Variants in ANKRD28 observed in about 807,000 individuals in gnomAD.
ANKRD28 encodes the protein serine/threonine-protein phosphatase 6 regulatory ankyrin repeat subunit A.
In ANKRD28, 44 loss-of-function variants were observed where a neutral mutation model predicts 126.5. The ratio of observed to expected loss-of-function variants is 0.35; its 90% CI spans 0.27 to 0.45. The LOEUF (loss-of-function observed/expected upper bound fraction) is 0.45, where lower values mean the gene tolerates loss of function less well. Ranked by LOEUF, ANKRD28 falls within the 20% of genes least tolerant of loss-of-function variation. The probability of loss-of-function intolerance (pLI) is 1.00; values close to 1 mark genes in which losing one functional copy is unlikely to be tolerated. For missense variants in ANKRD28, 1,110 were observed against 1,316.6 expected (o/e 0.84, Z 2.43); for synonymous variants, 442 against 468.5 (o/e 0.94, Z 0.73).
intron 3 of ANKRD28, among the ~76,000 whole-genome samples, chr3:15,761,959 G>A (rs1310720770): frequency 6.6e-6 from 1 of 151,966 alleles, no homozygotes; most frequent in Non-Finnish European, 1.5e-5. Flanking sequence ...GCCGTGGTGG[G>A]TGGATCACCT....
At chr3:15,829,307 G>A (rs1188988893) in intron 1 of ANKRD28, among the ~76,000 whole-genome samples, 1 of 152,138 alleles carries the variant, frequency 6.6e-6, no homozygotes, top group Non-Finnish European at 1.5e-5. Flanking sequence ...TCTCACAGCT[G>A]CTTTTGCATT....
At chr3:15,834,994 A>G (rs1029685453) in intron 1 of ANKRD28, among the ~76,000 whole-genome samples, 2 of 152,144 alleles carry the variant, frequency 1.3e-5, no homozygotes, top group African/African-American at 4.8e-5. Context: ...CTAAAAATAC[A>G]AAAATTAGCC....
At chr3:15,785,696 G>C (rs1220459411) in intron 2 of ANKRD28, among the ~76,000 whole-genome samples, 1 of 150,868 alleles carries the variant, frequency 6.6e-6, no homozygotes, top group Admixed American at 6.6e-5. Context: ...CTGCAATCAT[G>C]TTATTTGATT....
At chr3:15,746,301 A>G (rs2125303492) in intron 4 of ANKRD28, among the ~76,000 whole-genome samples, 1 of 152,264 alleles carries the variant, frequency 6.6e-6, no homozygotes, top group East Asian at 1.9e-4. Context: ...CTCAGGGGGA[A>G]TGCTTTAAAC....
chr3:15,690,004 T>G lies in ANKRD28; in HGVS notation c.1963+15A>C. On this transcript the variant is annotated intron_variant, in intron 18 of 27. Coordinates refer to ENST00000683139, the MANE Select transcript of ANKRD28 (RefSeq NM_001349278.2). ...ATAGAAGTTATAAATAAATCAAGCATAATATCTGGCATACCTGCTGCATGA... is the reference window on the plus strand; with the variant it reads ...ATAGAAGTTATAAATAAATCAAGCAGAATATCTGGCATACCTGCTGCATGA... 1.2e-5 allele frequency: 19 copies of G among 1,586,884 alleles called. No homozygotes were observed. Among genetic ancestry groups the G allele is most frequent in the Non-Finnish European group, 1.6e-5 (19 of 1,163,872 alleles).
chr3:15,858,213 T>C (rs1160462914), intron 1 of ANKRD28, among the ~76,000 whole-genome samples: 1 of 152,166 alleles, frequency 6.6e-6, no homozygotes, highest in African/African-American at 2.4e-5. Flanking sequence ...GGCTAGTGGC[T>C]CTCTTATAGG....
chr3:15,837,054 C>T (rs1292673431), intron 1 of ANKRD28, among the ~76,000 whole-genome samples: 4 of 148,030 alleles, frequency 2.7e-5, no homozygotes, highest in Admixed American at 1.4e-4. Context: ...GAGCCGAGGT[C>T]GCACCACTGC....
Position 15,670,095 on chromosome 3 carries a change from T to C in ANKRD28, c.*175A>G. On this transcript the variant is annotated 3_prime_UTR_variant, in exon 28 of 28. Coordinates refer to ENST00000683139, the MANE Select transcript of ANKRD28 (RefSeq NM_001349278.2). ...TCTATTTCAAGATTCTAGAAGTTCC[T>C]TTTGTAAAACTTGCCTTTAAAACTC... is the stretch of plus-strand genomic sequence containing the variant. 1 of 652,430 alleles carries C rather than the reference T, an allele frequency of 1.5e-6. No individual in the cohort carries two copies. The highest frequency in any genetic ancestry group is 2.8e-5 in the East Asian group (1 of 35,696). 40.4% of individuals were successfully genotyped at this position (652,430 alleles called of 1,614,324 possible).
At chr3:15,756,286 G>A (rs1231456951) in intron 3 of ANKRD28, among the ~76,000 whole-genome samples, 1 of 152,124 alleles carries the variant, frequency 6.6e-6, no homozygotes, top group Non-Finnish European at 1.5e-5. Context: ...TCATACCACA[G>A]TTATAGATTA....
chr3:15,714,509 G>A, intron 9 of ANKRD28, 69 bp downstream of exon 9: 1 of 1,110,828 alleles, frequency 9.0e-7, no homozygotes, highest in Admixed American at 3.2e-5. Flanking sequence ...CATTCATTTG[G>A]TGGATGTTTT....
chr3:15,739,255 G>T (rs1159996216), intron 4 of ANKRD28, among the ~76,000 whole-genome samples: 1 of 152,222 alleles, frequency 6.6e-6, no homozygotes, highest in Non-Finnish European at 1.5e-5. Context: ...GACTGGGGAA[G>T]TGATGTGTCC....
chr3:15,838,786 G>A lies in ANKRD28; in HGVS notation c.27+20591C>T, dbSNP rs1051289789. On this transcript the variant is annotated intron_variant, in intron 1 of 27. Coordinates refer to the ANKRD28 transcript ENST00000399451. The surrounding 1 kb of genome is among the most constrained non-coding windows in gnomAD (Gnocchi z 4.0). ...AAATCTTCGCAAGAGAAGTTAAAAC[G>A]TGTCCATACACAGACTCATACATGA... Among the ~76,000 whole-genome samples, 7 of 151,952 alleles carry A rather than the reference G, an allele frequency of 4.6e-5. No individual in the cohort carries two copies. The highest frequency in any genetic ancestry group is 1.4e-4 in the African/African-American group (6 of 41,462).
chr3:15,741,178 G>T (rs922091092), intron 4 of ANKRD28, among the ~76,000 whole-genome samples: 1 of 151,320 alleles, frequency 6.6e-6, no homozygotes, highest in Non-Finnish European at 1.5e-5. Flanking sequence ...CAGCTTGGGC[G>T]ACAGAGCGAG....
intron 2 of ANKRD28, among the ~76,000 whole-genome samples, chr3:15,785,852 T>C (rs993678150): frequency 1.3e-5 from 2 of 151,590 alleles, no homozygotes; most frequent in African/African-American, 4.8e-5. Flanking sequence ...ATTCAGATAA[T>C]GGATTAAAAA....
intron 21 of ANKRD28, 62 bp from the exon 22 acceptor site, chr3:15,679,625 T>C (rs1383507106): frequency 7.7e-7 from 1 of 1,292,482 alleles, no homozygotes; most frequent in Non-Finnish European, 1.1e-6. Context: ...AAATCACAGG[T>C]ACATGTAAGT....
upstream of ANKRD28, chr3:15,797,989 C>T (rs999407037): frequency 1.0e-6 from 1 of 985,338 alleles, no homozygotes; most frequent in Non-Finnish European, 1.2e-6. Flanking sequence ...TGAGCTACTT[C>T]TCGGGATGTA....
chr3:15,790,045 A>G (rs1267832368), intron 2 of ANKRD28, among the ~76,000 whole-genome samples: 1 of 152,150 alleles, frequency 6.6e-6, no homozygotes, highest in African/African-American at 2.4e-5. Flanking sequence ...TGGAAAATAT[A>G]GAAGAAATGG....
At chr3:15,711,420 C>A in intron 11 of ANKRD28, 146 bp from the exon 12 acceptor site, 1 of 583,450 alleles carries the variant, frequency 1.7e-6, no homozygotes, top group East Asian at 2.9e-5. Context: ...GTTTAAAAGG[C>A]AATAGGATAC....
chr3:15,704,510 C>A (rs1346884307), intron 14 of ANKRD28, among the ~76,000 whole-genome samples: 1 of 151,902 alleles, frequency 6.6e-6, no homozygotes, highest in Non-Finnish European at 1.5e-5. Flanking sequence ...TTTAAAAAAC[C>A]ATTTAAAAAA....
Sources: gnomAD v4.1 joint callset for allele counts (sites outside exome capture counted in the v4.1 genomes callset) on GRCh38, gnomAD v4.1.1 for gene constraint, Gnocchi (gnomAD v3.1) non-coding constraint, MANE v1.5 for transcripts, NCBI Gene and HGNC (gene_info 2026-07-23, HGNC 2026-07-21) for gene names.